The following PUDP variants were observed in gnomAD, a reference collection of about 807,000 sequenced individuals.
PUDP encodes the protein pseudouridine 5'-phosphatase, also known as pseudouridine-5'-phosphatase.
PUDP carries 8 observed loss-of-function variants against 9.4 expected under a neutral mutation model. That is an observed-to-expected ratio of 0.85 (90% CI 0.50 to 1.53). The LOEUF (loss-of-function observed/expected upper bound fraction) is 1.53. Ranked by LOEUF, PUDP falls within the 40% of genes most tolerant of loss-of-function variation. PUDP has a pLI of 0.00. For synonymous variants in PUDP, 99 were observed against 80.7 expected (o/e 1.23, Z -1.22); for missense variants, 188 against 189.7 (o/e 0.99, Z 0.05).
At chrX:7,052,003 C>T (rs1249893952) in intron 3 of PUDP, among the ~76,000 whole-genome samples, 1 of 110,356 alleles carries the variant, frequency 9.1e-6, no homozygotes, top group African/African-American at 3.3e-5. Flanking sequence ...CCACTCATCT[C>T]TTCTTTGTCT....
intron 3 of PUDP, among the ~76,000 whole-genome samples, chrX:6,924,786 A>G (rs963839884): frequency 8.9e-6 from 1 of 112,727 alleles, no homozygotes; most frequent in South Asian, 3.7e-4. Flanking sequence ...TCTTAAAAAA[A>G]CAATGCGTTA....
At chrX:6,783,437 G>GC (rs1381874279) in intron 3 of PUDP, among the ~76,000 whole-genome samples, 6 of 110,893 alleles carry the variant, frequency 5.4e-5, no homozygotes, top group Non-Finnish European at 1.1e-4. Context: ...CTGTGGACTC[G>GC]CCCCGAATTC....
At chrX:6,784,322 G>C (rs980005661) in intron 3 of PUDP, among the ~76,000 whole-genome samples, 3 of 111,737 alleles carry the variant, frequency 2.7e-5, no homozygotes, top group Non-Finnish European at 3.8e-5. Flanking sequence ...AATGTTGTTT[G>C]TGCTTTATGC....
intron 3 of PUDP, among the ~76,000 whole-genome samples, chrX:6,924,792 C>T (rs188514065): frequency 2.0e-3 from 222 of 112,475 alleles, no homozygotes; most frequent in Non-Finnish European, 2.7e-3. Flanking sequence ...AAAAACAATG[C>T]GTTATTTAAA....
At position 6,770,618 on chromosome X, in the gene PUDP, A is replaced by G. The variant is rs1284793556; in HGVS notation, c.*248-64152T>C. On this transcript the variant is annotated intron_variant and NMD_transcript_variant, in intron 3 of 3. Transcript: ENST00000655425. ...TAATGCAAACTAACCTGTAAGAAACACACCTGTCCTATGATAGGCCAGCAA... is the reference window on the plus strand; with the variant it reads ...TAATGCAAACTAACCTGTAAGAAACGCACCTGTCCTATGATAGGCCAGCAA... 3.6e-5 allele frequency among the ~76,000 whole-genome samples: 4 copies of G among 111,657 alleles called. No individual in the cohort carries two copies. In the Admixed American group the frequency reaches 3.8e-4, roughly 11 times the overall value.
intron 3 of PUDP, among the ~76,000 whole-genome samples, chrX:6,929,535 G>A (rs755726731): frequency 5.3e-5 from 6 of 112,501 alleles, no homozygotes; most frequent in Admixed American, 1.9e-4. Flanking sequence ...GGAGACCAAG[G>A]TTTTCTCATT....
intron 1 of PUDP, among the ~76,000 whole-genome samples, chrX:7,120,163 T>G (rs1932303057): frequency 9.0e-6 from 1 of 111,506 alleles, no homozygotes; most frequent in Non-Finnish European, 1.9e-5. Flanking sequence ...AGAATAATTG[T>G]CCCCCAAAGA....
chrX:7,028,782 G>T (rs113678262), intron 1 of PUDP, among the ~76,000 whole-genome samples: 1 of 111,489 alleles, frequency 9.0e-6, no homozygotes, highest in African/African-American at 3.3e-5. Context: ...ATAACAAAGC[G>T]CCACGGACCG....
At chrX:6,971,004 T>C (rs1928866374) in intron 3 of PUDP, among the ~76,000 whole-genome samples, 1 of 110,083 alleles carries the variant, frequency 9.1e-6, no homozygotes, top group Admixed American at 9.7e-5. Flanking sequence ...TGAGCTAAGG[T>C]CACACCACTG....
chrX:6,901,487 A>C (rs1377717593), intron 3 of PUDP, among the ~76,000 whole-genome samples: 1 of 112,275 alleles, frequency 8.9e-6, no homozygotes, highest in Non-Finnish European at 1.9e-5. Flanking sequence ...TGGTTATTTA[A>C]AACCGTGTCT....
At chrX:6,939,371 AATATTATTAATAT>A (rs1215021532) in intron 3 of PUDP, among the ~76,000 whole-genome samples, 2 of 106,573 alleles carry the variant, frequency 1.9e-5, no homozygotes, top group South Asian at 3.8e-4. Flanking sequence ...ATGCTATATT[AATATTATTAATAT>A]ATATTATTAA....
intron 3 of PUDP, among the ~76,000 whole-genome samples, chrX:6,780,795 G>A (rs977541168): frequency 5.4e-5 from 6 of 110,581 alleles, no homozygotes; most frequent in Non-Finnish European, 7.6e-5. Context: ...AGTGCCTCAC[G>A]CCTACAATCC....
chrX:6,815,368 A>T (rs1394938214), intron 3 of PUDP, among the ~76,000 whole-genome samples: 1 of 111,791 alleles, frequency 8.9e-6, no homozygotes, highest in East Asian at 2.8e-4. Context: ...TGAAGAAAAA[A>T]CTGGAAACAA....
chrX:6,815,504 TAAAG>T (rs1328157413), intron 3 of PUDP, among the ~76,000 whole-genome samples: 1 of 111,844 alleles, frequency 8.9e-6, no homozygotes, highest in African/African-American at 3.2e-5. Flanking sequence ...CAAAGAGAGA[TAAAG>T]AATTTGTCAA....
intron 3 of PUDP, among the ~76,000 whole-genome samples, chrX:6,825,918 G>A (rs1022644885): frequency 3.6e-5 from 4 of 111,615 alleles, no homozygotes; most frequent in African/African-American, 1.3e-4. Flanking sequence ...CAACAAGGCT[G>A]GGGTATGCAC....
chrX:6,916,740 C>A (rs925153030), intron 3 of PUDP, among the ~76,000 whole-genome samples: 1 of 111,536 alleles, frequency 9.0e-6, no homozygotes, highest in Non-Finnish European at 1.9e-5. Flanking sequence ...AATCCATAAA[C>A]CTTTTCACTA....
intron 3 of PUDP, among the ~76,000 whole-genome samples, chrX:6,839,439 A>G (rs1199393888): frequency 9.0e-6 from 1 of 111,510 alleles, no homozygotes; most frequent in Non-Finnish European, 1.9e-5. Context: ...GGGGTGTGGA[A>G]GGAAATAATT....
At chrX:6,795,089 C>T (rs1373314215) in intron 3 of PUDP, among the ~76,000 whole-genome samples, 1 of 109,388 alleles carries the variant, frequency 9.1e-6, no homozygotes, top group Non-Finnish European at 1.9e-5. Flanking sequence ...AAAACACAAA[C>T]ACATAACTTT....
intron 1 of PUDP, among the ~76,000 whole-genome samples, chrX:7,141,801 T>C (rs1250709587): frequency 1.8e-5 from 2 of 112,313 alleles, no homozygotes; most frequent in African/African-American, 6.5e-5. Context: ...GACTTTAACT[T>C]GAAGCCAGTG....
Sources: allele counts gnomAD v4.1 joint callset (sites outside exome capture counted in the v4.1 genomes callset), GRCh38; gene constraint gnomAD v4.1.1; transcripts MANE v1.5; gene names NCBI Gene and HGNC (gene_info 2026-07-23, HGNC 2026-07-21).